The following CPD variants were observed in gnomAD, a reference collection of about 807,000 sequenced individuals.
The protein encoded by CPD is metallocarboxypeptidase D.
Under a neutral mutation model 138.3 loss-of-function variants are expected in CPD, and 69 were observed. The ratio of observed to expected loss-of-function variants is 0.50; its 90% CI spans 0.41 to 0.61. The LOEUF is 0.61. Ranked by LOEUF, CPD falls within the 20% of genes least tolerant of loss-of-function variation. CPD has a pLI of 0.00. For synonymous variants in CPD, 651 were observed against 642.1 expected, an observed-to-expected ratio of 1.01 and a Z score of -0.21; for missense variants, 1,432 against 1,733.3, an observed-to-expected ratio of 0.83 and a Z score of 3.09.
intron 9 of CPD, among the ~76,000 whole-genome samples, chr17:30,439,936 G>T (rs2143460723): frequency 2.0e-5 from 1 of 50,022 alleles, no homozygotes; most frequent in Non-Finnish European, 3.6e-5. Context: ...TAATGGGATG[G>T]CTGGGTCAAA....
intron 2 of CPD, among the ~76,000 whole-genome samples, chr17:30,403,375 G>A (rs530082430): frequency 6.6e-6 from 1 of 152,250 alleles, no homozygotes; most frequent in South Asian, 2.1e-4. Flanking sequence ...CTGTACATGT[G>A]CAGTTTAGAG....
At chr17:30,454,475 A>G (rs575763670) in intron 14 of CPD, 1 of 152,452 alleles carries the variant, frequency 6.6e-6, no homozygotes, top group South Asian at 2.1e-4. Context: ...TATTGGTCAT[A>G]TCACTATCAG....
chr17:30,461,274 C>A lies in CPD; in HGVS notation c.3593C>A (p.Ala1198Glu). The change falls in exon 18 of 21, where the codon GCA (alanine) becomes GAA (glutamate). Residue 1198 changes from alanine (A) to glutamate (E), a missense_variant. Coordinates refer to ENST00000225719, the MANE Select transcript of CPD (RefSeq NM_001304.5). ...PSAARLPSLWADNKRSLLSML... is the reference protein window; with the variant it reads ...PSAARLPSLWEDNKRSLLSML... Reference sequence around the variant, plus strand: ...GCTGCACGACTCCCTTCCTTGTGGGCAGACAATAAGAGATCTCTTCTTAGT... The same window carrying A: ...GCTGCACGACTCCCTTCCTTGTGGGAAGACAATAAGAGATCTCTTCTTAGT... 2 of 1,610,954 alleles carry A rather than the reference C, an allele frequency of 1.2e-6. No homozygotes were observed. The highest frequency in any genetic ancestry group is 1.7e-6 in the Non-Finnish European group (2 of 1,178,602).
At chr17:30,439,394 C>CTTTTTTTTTTTTTTTTTT (rs71138889) in intron 9 of CPD, among the ~76,000 whole-genome samples, 25 of 124,656 alleles carry the variant, frequency 2.0e-4, no homozygotes, top group Admixed American at 4.1e-4. Flanking sequence ...ACGTTACTTT[C>CTTTTTTTTTTTTTTTTTT]TTTTTTTTTT....
intron 2 of CPD, among the ~76,000 whole-genome samples, chr17:30,406,266 C>A (rs541081891): frequency 4.1e-4 from 62 of 151,924 alleles, no homozygotes; most frequent in Non-Finnish European, 7.7e-4. Context: ...TAAAATCAGT[C>A]TATAAGACCT....
Position 30,385,227 on chromosome 17 carries a change from G to A in CPD, c.985G>A (p.Asp329Asn). The A allele has an allele frequency of 6.2e-7, 1 of 1,613,966 alleles. No homozygotes were observed. Among genetic ancestry groups the A allele is most frequent in the Non-Finnish European group, 8.5e-7 (1 of 1,179,894 alleles). ...AATCACAAACGGCGCACATTGGTAT[G>A]ATGTGGAAGGTATGCAAAGCATTGA... ...DGITNGAHWY[D>N]VEGGMQDYNY... Residue 329 changes from aspartate to asparagine, a missense_variant, in exon 2 of 21, where the codon GAT (aspartate) becomes AAT (asparagine). Transcript: ENST00000225719.
intron 8 of CPD, among the ~76,000 whole-genome samples, chr17:30,438,193 T>C (rs1057471521): frequency 6.6e-6 from 1 of 152,070 alleles, no homozygotes; most frequent in Non-Finnish European, 1.5e-5. Context: ...TGGGAAATTA[T>C]TCTTTTTCTC....
At chr17:30,380,350 A>G (rs758836807) in intron 1 of CPD, 11 of 488,278 alleles carry the variant, frequency 2.3e-5, no homozygotes, top group Non-Finnish European at 2.9e-5. Flanking sequence ...CCCCTTGCCT[A>G]TTTGACAGAA....
intron 10 of CPD, 131 bp from the exon 11 acceptor site, chr17:30,443,671 A>T: frequency 3.6e-6 from 3 of 835,686 alleles, no homozygotes; most frequent in Non-Finnish European, 5.4e-6. Context: ...ATTGAACTTT[A>T]CTCTGAACTC....
intron 2 of CPD, among the ~76,000 whole-genome samples, chr17:30,395,724 T>TA (rs11383738): frequency 0.49 from 70,612 of 144,918 alleles, 17,148 homozygotes; most frequent in East Asian, 0.82. Context: ...AGAGTACATT[T>TA]AAAAAAAAAA....
At chr17:30,451,037 T>C (rs1042467519) in intron 13 of CPD, among the ~76,000 whole-genome samples, 2 of 152,250 alleles carry the variant, frequency 1.3e-5, no homozygotes, top group African/African-American at 4.8e-5. Flanking sequence ...TATTTTGTGC[T>C]GGGTAATATA....
intron 2 of CPD, among the ~76,000 whole-genome samples, chr17:30,420,267 A>G (rs140998138): frequency 6.6e-6 from 1 of 152,280 alleles, no homozygotes; most frequent in East Asian, 1.9e-4. Flanking sequence ...GTGCCACCCT[A>G]GATAACAGTT....
chr17:30,451,170 C>T (rs1003944802), intron 13 of CPD, among the ~76,000 whole-genome samples: 9 of 152,312 alleles, frequency 5.9e-5, no homozygotes, highest in East Asian at 1.9e-4. Flanking sequence ...TTTAAACCCA[C>T]GTATGTCTAC....
At chr17:30,421,879 C>A in intron 4 of CPD, 46 bp downstream of exon 4, 1 of 1,425,860 alleles carries the variant, frequency 7.0e-7, no homozygotes, top group South Asian at 1.2e-5. Flanking sequence ...TGTCAAGTCT[C>A]TGTTTTATAT....
chr17:30,461,753 C>A (rs1259302226), intron 18 of CPD, 124 bp from the exon 19 acceptor site: 3 of 734,280 alleles, frequency 4.1e-6, no homozygotes, highest in South Asian at 2.2e-5. Flanking sequence ...GAGTTTGATA[C>A]TTGTTTGTGT....
At chr17:30,399,344 G>A (rs1260627910) in intron 2 of CPD, among the ~76,000 whole-genome samples, 2 of 152,082 alleles carry the variant, frequency 1.3e-5, no homozygotes, top group Non-Finnish European at 2.9e-5. Flanking sequence ...TTAGTTGATA[G>A]TATTATTACA....
intron 13 of CPD, 62 bp downstream of exon 13, chr17:30,449,810 C>T (rs1913120370): frequency 7.1e-7 from 1 of 1,415,030 alleles, no homozygotes; most frequent in Non-Finnish European, 9.5e-7. Context: ...AATATCAGGG[C>T]ACCATTTTTA....
chr17:30,379,800 G>T lies in CPD; in HGVS notation c.746+74G>T, dbSNP rs1343448228. 12 of 1,089,974 alleles carry T rather than the reference G, an allele frequency of 1.1e-5. No homozygotes were observed. The highest frequency in any genetic ancestry group is 1.3e-5 in the Non-Finnish European group (11 of 819,010). The allele number at this position is 1,089,974 out of a possible 1,614,324, so 67.5% of individuals were successfully genotyped here. ...AGGCTGGTTCCGGCACCCAGTAGGC[G>T]CTCAGACAATGCTGGCATAAGGGGT... is the stretch of plus-strand genomic sequence containing the variant. On this transcript the variant is annotated intron_variant, in intron 1 of 20. Coordinates refer to ENST00000225719, the MANE Select transcript of CPD (RefSeq NM_001304.5). The surrounding 1 kb of genome is among the most constrained non-coding windows in gnomAD (Gnocchi z 7.0).
At chr17:30,398,676 T>C (rs1337624925) in intron 2 of CPD, among the ~76,000 whole-genome samples, 4 of 152,126 alleles carry the variant, frequency 2.6e-5, no homozygotes, top group African/African-American at 9.7e-5. Context: ...TATACAGTCT[T>C]TGACATTTGG....
Sources: allele counts gnomAD v4.1 joint callset (sites outside exome capture counted in the v4.1 genomes callset), GRCh38; gene constraint gnomAD v4.1.1; non-coding constraint Gnocchi (gnomAD v3.1); transcripts MANE v1.5; gene names NCBI Gene and HGNC (gene_info 2026-07-23, HGNC 2026-07-21).